SEMA3B: variants seen among roughly 807,000 people sequenced by gnomAD.
SEMA3B encodes the protein semaphorin 3B, also known as semaphorin-3B.
SEMA3B carries 71 observed loss-of-function variants against 77.8 expected under a neutral mutation model. That is an observed-to-expected ratio of 0.91 (90% confidence interval 0.75 to 1.11). SEMA3B has a LOEUF of 1.11. SEMA3B is among the 50% of genes most tolerant of loss of function. SEMA3B has a pLI of 0.00. For missense variants in SEMA3B, 968 were observed against 1,056.8 expected (o/e 0.92, Z 1.17); for synonymous variants, 470 against 452.9 (o/e 1.04, Z -0.48).
chr3:50,276,178 C>A lies in SEMA3B; in HGVS notation c.1846-124C>A. Reference sequence around the variant, plus strand: ...CACTCAGCCTTAAAATGTGCGCCTGCGGGCACCCCTTTCCCGCTCCACCTC... The same window carrying A: ...CACTCAGCCTTAAAATGTGCGCCTGAGGGCACCCCTTTCCCGCTCCACCTC... On this transcript the variant is annotated intron_variant, in intron 16 of 16. Coordinates refer to ENST00000616701, the MANE Select transcript of SEMA3B (RefSeq NM_001290060.2). The surrounding 1 kb of genome is among the most constrained non-coding windows in gnomAD (Gnocchi z 5.8). 1 of 1,270,802 alleles carries A rather than the reference C, an allele frequency of 7.9e-7. No homozygotes were observed. Among genetic ancestry groups the A allele is most frequent in the Non-Finnish European group, 1.0e-6 (1 of 958,974 alleles). 78.7% of individuals were successfully genotyped at this position (1,270,802 alleles called of 1,614,324 possible). A position where few individuals can be genotyped will look rare whatever the true frequency, so the allele number is the denominator to read the frequency against.
At chr3:50,267,338 T>A (rs982826911), upstream of SEMA3B, 18 of 152,552 alleles carry the variant, frequency 1.2e-4, no homozygotes, top group African/African-American at 3.8e-4. This position sits in a 1 kb window ranked among gnomAD's most constrained non-coding sequence, Gnocchi z 5.7. Context: ...ACTCAGTGAT[T>A]CCCTTTGCCT....
chr3:50,276,362 C>G lies in SEMA3B; in HGVS notation c.1906C>G (p.Arg636Gly). 1 of 1,534,102 alleles carries G rather than the reference C, an allele frequency of 6.5e-7. No individual in the cohort carries two copies. The highest frequency in any genetic ancestry group is 1.4e-5 in the African/African-American group (1 of 72,832). ...GGGACTACTGCTGCGCAGGCTGCGG[C>G]GCCGGGACTCGGGCGTGTACTTGTG... ...ARGLLLRRLR[R>G]RDSGVYLCAA... is the part of the protein sequence containing the mutation. The change falls in exon 17 of 17, where the codon CGC (arginine) becomes GGC (glycine). Residue 636 changes from arginine (R) to glycine (G), a missense_variant. Physicochemically the swap from Arg to Gly is moderately radical, Grantham distance 125 (BLOSUM62 -2). Transcript: ENST00000616701. The surrounding 1 kb of genome is among the most constrained non-coding windows in gnomAD (Gnocchi z 5.8).
rs1553706100 is a variant in SEMA3B at position 50,274,443 on chromosome 3, C to T, written c.1218C>T (p.Pro406=). ...DDVIQFARNH[P]LMYNSVLPTG... is the part of the protein sequence containing the mutation. ...TCATCCAGTTTGCGCGGAACCACCC[C>T]CTCATGTACAACTCTGTCCTGCCCA... is the stretch of plus-strand genomic sequence containing the variant. The change falls in exon 11 of 17, where the codon CCC becomes CCT. Residue 406 remains proline, a synonymous_variant. Transcript: ENST00000616701. This position sits in a 1 kb window ranked among gnomAD's most constrained non-coding sequence, Gnocchi z 4.7. 6.5e-7 allele frequency: 1 copy of T among 1,529,982 alleles called. No homozygotes were observed. The highest frequency in any genetic ancestry group is 8.8e-7 in the Non-Finnish European group (1 of 1,139,746). The allele number at this position is 1,529,982 out of a possible 1,614,324, so 94.8% of individuals were successfully genotyped here.
At chr3:50,265,441 C>CA (rs1553704329), upstream of SEMA3B, among the ~76,000 whole-genome samples, 1 of 151,994 alleles carries the variant, frequency 6.6e-6, no homozygotes, top group Non-Finnish European at 1.5e-5. Context: ...CAGGCAGGGG[C>CA]AAAGGGGCAG....
At chr3:50,260,263 G>A in the SEMA3B span, 1 of 152,136 alleles carries the variant, frequency 6.6e-6, no homozygotes, top group African/African-American at 2.4e-5. Context: ...ACGGCTCCGC[G>A]GCCGCCCCAG....
upstream of SEMA3B, among the ~76,000 whole-genome samples, chr3:50,265,061 C>G (rs2109229350): frequency 6.6e-6 from 1 of 152,264 alleles, no homozygotes; most frequent in South Asian, 2.1e-4. Context: ...AGGAGCTAAT[C>G]TTTCAAAAAA....
chr3:50,276,541 G>A lies in SEMA3B; in HGVS notation c.2085G>A (p.Leu695=). The A allele has an allele frequency of 6.5e-7, 1 of 1,536,406 alleles. No homozygotes were observed. Among genetic ancestry groups the A allele is most frequent in the South Asian group, 1.2e-5 (1 of 83,906 alleles). Residue 695 remains leucine (L), a synonymous_variant, in exon 17 of 17, where the codon CTG becomes CTA. Coordinates refer to ENST00000616701, the MANE Select transcript of SEMA3B (RefSeq NM_001290060.2). The surrounding 1 kb of genome is among the most constrained non-coding windows in gnomAD (Gnocchi z 5.8). ...TCTGGTACCGGGACTTTCTGCAGCT[G>A]GTGGAGCCGGGCGGAGGTGGCAGCG... ...PKLWYRDFLQ[L]VEPGGGGSAN... is the part of the protein sequence containing the mutation.
In SEMA3B at chr3:50,270,202, AG is replaced by A. The variant is rs1476080125; in HGVS notation, c.187del (p.Glu63SerfsTer52). On this transcript the variant is annotated frameshift_variant, in exon 2 of 17. Transcript: ENST00000616701. LOFTEE classifies it high-confidence loss of function. The surrounding 1 kb of genome is among the most constrained non-coding windows in gnomAD (Gnocchi z 4.7). ...TGCTACCAGGCCTTGCTGGTGGATG[AG>A]GAGCGTGGACGCCTGTTTGTGGGTG... The part of the protein sequence containing the change: ...TCCYQALLVD[E>X]ERGRLFVGAE... 6.2e-7 allele frequency: 1 copy of A among 1,606,588 alleles called. No homozygotes were observed. The highest frequency in any genetic ancestry group is 8.5e-7 in the Non-Finnish European group (1 of 1,177,190).
In SEMA3B at chr3:50,269,990, ACT is replaced by A; in HGVS notation, c.110-135_110-134del. 3.2e-6 allele frequency: 3 copies of A among 935,712 alleles called. No individual in the cohort carries two copies. Among genetic ancestry groups the A allele is most frequent in the Middle Eastern group, 3.5e-4 (1 of 2,876 alleles). The allele number at this position is 935,712 out of a possible 1,614,324, so 58.0% of individuals were successfully genotyped here. On this transcript the variant is annotated intron_variant, in intron 1 of 16. Transcript: ENST00000616701. The surrounding 1 kb of genome is among the most constrained non-coding windows in gnomAD (Gnocchi z 4.0). ...GGTGGGCTTGGGTTTGCGTGTGTAA[ACT>A]CACACACATGTAAACTCACATGTGT... is the stretch of plus-strand genomic sequence containing the variant.
chr3:50,274,883 C>T lies in SEMA3B; in HGVS notation c.1398C>T (p.Gly466=), dbSNP rs782681079. The change falls in exon 12 of 17, where the codon GGC becomes GGT. Residue 466 remains glycine, a synonymous_variant. Transcript: ENST00000616701. The surrounding 1 kb of genome is among the most constrained non-coding windows in gnomAD (Gnocchi z 4.7). ...TGAAGGTGATCTCGGTCCCCAAGGG[C>T]AGTAGGCCCAGCGCAGAGGGGCTGC... ...TVLKVISVPK[G]SRPSAEGLLL... is the part of the protein sequence containing the mutation. 1.2e-6 allele frequency: 2 copies of T among 1,611,270 alleles called. No homozygotes were observed. Among genetic ancestry groups the T allele is most frequent in the Non-Finnish European group, 1.7e-6 (2 of 1,179,820 alleles).
upstream of SEMA3B, among the ~76,000 whole-genome samples, chr3:50,268,413 C>G (rs1553704776): frequency 1.3e-5 from 2 of 152,234 alleles, no homozygotes; most frequent in Non-Finnish European, 2.9e-5. Flanking sequence ...TGCACATGCA[C>G]AAATGTGCAA....
chr3:50,271,135 G>A lies in SEMA3B; in HGVS notation c.498G>A (p.Gly166=), dbSNP rs782530334. 6.3e-6 allele frequency: 10 copies of A among 1,585,562 alleles called. No homozygotes were observed. The African/African-American group carries it at 1.2e-4, about 19-fold the overall frequency. Residue 166 remains glycine, a synonymous_variant, in exon 5 of 17, where the codon GGG becomes GGA. Transcript: ENST00000616701. The part of the protein sequence containing the change: ...LDPGRIEDGK[G]KSPYDPRHRA... ...CAGGAAGGATAGAGGATGGCAAGGG[G>A]AAGAGTCCTTATGACCCCAGGCATC...
Position 50,276,368 on chromosome 3 carries a change from G to T in SEMA3B, c.1912G>T (p.Asp638Tyr). The T allele has an allele frequency of 1.3e-6, 2 of 1,534,924 alleles. No homozygotes were observed. The highest frequency in any genetic ancestry group is 2.0e-5 in the Admixed American group (1 of 50,850). Residue 638 changes from aspartate to tyrosine, a missense_variant, in exon 17 of 17, where the codon GAC becomes TAC. Coordinates refer to ENST00000616701, the MANE Select transcript of SEMA3B (RefSeq NM_001290060.2). This position sits in a 1 kb window ranked among gnomAD's most constrained non-coding sequence, Gnocchi z 5.8. ...ACTGCTGCGCAGGCTGCGGCGCCGG[G>T]ACTCGGGCGTGTACTTGTGCGCCGC... is the stretch of plus-strand genomic sequence containing the variant. ...GLLLRRLRRR[D>Y]SGVYLCAAVE...
Position 50,273,636 on chromosome 3 carries a change from C to G in SEMA3B, c.912C>G (p.Phe304Leu). 5 of 1,611,202 alleles carry G rather than the reference C, an allele frequency of 3.1e-6. No homozygotes were observed. Among genetic ancestry groups the G allele is most frequent in the Middle Eastern group, 3.3e-4 (2 of 6,056 alleles). The change falls in exon 8 of 17, where the codon TTC becomes TTG. Residue 304 changes from phenylalanine to leucine, a missense_variant. Phe to Leu is a conservative substitution (Grantham distance 22, BLOSUM62 0). Coordinates refer to ENST00000616701, the MANE Select transcript of SEMA3B (RefSeq NM_001290060.2). The surrounding 1 kb of genome is among the most constrained non-coding windows in gnomAD (Gnocchi z 6.5). ...SVPGVEGDTH[F>L]DQLQDVFLLS... Reference sequence around the variant, plus strand: ...CCGGCGTCGAGGGCGACACCCACTTCGATCAGCTCCGTGAGTGCGGGAGTG... The same window carrying G: ...CCGGCGTCGAGGGCGACACCCACTTGGATCAGCTCCGTGAGTGCGGGAGTG...
Position 50,270,951 on chromosome 3 carries a change from G to A in SEMA3B, c.392G>A (p.Cys131Tyr), listed in dbSNP as rs868989478. The A allele has an allele frequency of 1.9e-6, 3 of 1,611,608 alleles. No homozygotes were observed. The highest frequency in any genetic ancestry group is 1.3e-5 in the African/African-American group (1 of 74,870). Residue 131 changes from cysteine to tyrosine, a missense_variant, in exon 4 of 17, where the codon TGT becomes TAT. Physicochemically the swap from Cys to Tyr is radical, Grantham distance 194. Coordinates refer to ENST00000616701, the MANE Select transcript of SEMA3B (RefSeq NM_001290060.2). The surrounding 1 kb of genome is among the most constrained non-coding windows in gnomAD (Gnocchi z 4.7). ...HAYNRTHLLA[C>Y]GTGAFHPTCA... The stretch of plus-strand genomic sequence containing the variant: ...TACAACCGCACCCATTTGCTGGCCT[G>A]TGGCACGGGAGCCTTCCACCCAACC...
At position 50,270,768 on chromosome 3, in the gene SEMA3B, G is replaced by A; in HGVS notation, c.331-122G>A. The A allele has an allele frequency of 6.8e-7, 1 of 1,464,746 alleles. No homozygotes were observed. The highest frequency in any genetic ancestry group is 9.2e-7 in the Non-Finnish European group (1 of 1,087,664). 90.7% of individuals were successfully genotyped at this position (1,464,746 alleles called of 1,614,324 possible). ...CAGCAAGGGCCCCCAGGTCCCTGTA[G>A]CCCATGTTAGTACTTGCCTGGGCTG... On this transcript the variant is annotated intron_variant, in intron 3 of 16. Coordinates refer to ENST00000616701, the MANE Select transcript of SEMA3B (RefSeq NM_001290060.2). The surrounding 1 kb of genome is among the most constrained non-coding windows in gnomAD (Gnocchi z 4.7).
rs1701137132 is a variant in SEMA3B at position 50,273,982 on chromosome 3, C to T, written c.1062C>T (p.Pro354=). 1.9e-6 allele frequency: 3 copies of T among 1,613,848 alleles called. No homozygotes were observed. The highest frequency in any genetic ancestry group is 2.2e-5 in the East Asian group (1 of 44,880). The change falls in exon 10 of 17, where the codon CCC becomes CCT. Residue 354 remains proline (P), a synonymous_variant. Coordinates refer to ENST00000616701, the MANE Select transcript of SEMA3B (RefSeq NM_001290060.2). The surrounding 1 kb of genome is among the most constrained non-coding windows in gnomAD (Gnocchi z 6.5). ...MNDVRRAFLG[P]FAHKEGPMHQ... Reference sequence around the variant, plus strand: ...ACGTGCGCCGGGCCTTCTTGGGACCCTTTGCACACAAGGAGGGGCCCATGC... The same window carrying T: ...ACGTGCGCCGGGCCTTCTTGGGACCTTTTGCACACAAGGAGGGGCCCATGC...
chr3:50,273,098 C>A lies in SEMA3B; in HGVS notation c.665-200C>A. 2.5e-6 allele frequency: 2 copies of A among 803,106 alleles called. No individual in the cohort carries two copies. The allele number at this position is 803,106 out of a possible 1,614,324, so 49.7% of individuals were successfully genotyped here. On this transcript the variant is annotated intron_variant, in intron 6 of 16. Coordinates refer to ENST00000616701, the MANE Select transcript of SEMA3B (RefSeq NM_001290060.2). This position sits in a 1 kb window ranked among gnomAD's most constrained non-coding sequence, Gnocchi z 6.5. ...CACGGTCTCTGCTGCCCCCTCGCGG[C>A]TGCTTCTTGCCTCGCAGGCCCTGAT...
Position 50,269,244 on chromosome 3 carries a change from G to A in SEMA3B, c.4G>A (p.Gly2Arg). Residue 2 changes from glycine to arginine, a missense_variant, in exon 1 of 17, where the codon GGG becomes AGG. By Grantham distance (125) the Gly-to-Arg change is moderately radical. Coordinates refer to ENST00000616701, the MANE Select transcript of SEMA3B (RefSeq NM_001290060.2). The surrounding 1 kb of genome is among the most constrained non-coding windows in gnomAD (Gnocchi z 4.0). M[G>R]RAGAAAVIPG... ...CTGAGCACCCTGAGCTGCTGAGATG[G>A]GGCGGGCCGGGGCTGCCGCCGTGAT... is the stretch of plus-strand genomic sequence containing the variant. The A allele has an allele frequency of 6.5e-7, 1 of 1,535,746 alleles. No homozygotes were observed. The highest frequency in any genetic ancestry group is 1.4e-5 in the African/African-American group (1 of 73,124).
Sources: allele counts gnomAD v4.1 joint callset (sites outside exome capture counted in the v4.1 genomes callset), GRCh38; gene constraint gnomAD v4.1.1; non-coding constraint Gnocchi (gnomAD v3.1); transcripts MANE v1.5; gene names NCBI Gene and HGNC (gene_info 2026-07-23, HGNC 2026-07-21).